COL14A1: variants seen among roughly 807,000 people sequenced by gnomAD.
COL14A1 encodes collagen alpha-1(XIV) chain.
COL14A1 carries 136 observed loss-of-function variants against 230.3 expected under a neutral mutation model. The ratio of observed to expected loss-of-function variants is 0.59; its 90% CI spans 0.51 to 0.68. COL14A1 has a LOEUF of 0.68. Among genes scored for constraint, COL14A1 ranks in the 30% least tolerant of loss-of-function variants. The pLI is 0.00. For missense variants in COL14A1, 1,976 were observed against 2,215.8 expected (o/e 0.89, Z 2.17); for synonymous variants, 792 against 784.1 (o/e 1.01, Z -0.17).
chr8:120,317,985 A>G (rs1185424041), intron 40 of COL14A1, among the ~76,000 whole-genome samples: 1 of 152,148 alleles, frequency 6.6e-6, no homozygotes, highest in East Asian at 1.9e-4. Flanking sequence ...CTCATTCTTT[A>G]TAGGGCCATG....
intron 1 of COL14A1, among the ~76,000 whole-genome samples, chr8:120,145,957 G>A (rs1815079178): frequency 6.6e-6 from 1 of 152,118 alleles, no homozygotes. Flanking sequence ...GCAGAACAAG[G>A]TATTTTTAAA....
At chr8:120,329,125 ATTATAAAC>A (rs1213203987) in intron 40 of COL14A1, among the ~76,000 whole-genome samples, 5 of 152,222 alleles carry the variant, frequency 3.3e-5, no homozygotes, top group African/African-American at 7.2e-5. Context: ...AGAATATATT[ATTATAAAC>A]TTATAAACTT....
intron 45 of COL14A1, among the ~76,000 whole-genome samples, chr8:120,349,707 G>A (rs1218262562): frequency 1.6e-5 from 2 of 127,466 alleles, no homozygotes; most frequent in Non-Finnish European, 3.2e-5. Flanking sequence ...AAAGAAATGA[G>A]CAAAGCCTCC....
At chr8:120,279,552 G>GAA (rs34439316) in intron 28 of COL14A1, among the ~76,000 whole-genome samples, 15 of 136,660 alleles carry the variant, frequency 1.1e-4, no homozygotes, top group Admixed American at 2.2e-4. Context: ...TTCTACTTCT[G>GAA]AAAAAAAAAA....
chr8:120,344,502 C>A (rs1178997247), intron 44 of COL14A1, among the ~76,000 whole-genome samples: 1 of 152,208 alleles, frequency 6.6e-6, no homozygotes, highest in South Asian at 2.1e-4. Flanking sequence ...AAATGTCTCA[C>A]CTGCCCAGGC....
intron 40 of COL14A1, among the ~76,000 whole-genome samples, chr8:120,324,701 A>G (rs7001937): frequency 0.44 from 66,463 of 152,008 alleles, 15,077 homozygotes; most frequent in African/African-American, 0.54. Context: ...TCAGTTGAAT[A>G]ACCTTAACAA....
intron 19 of COL14A1, among the ~76,000 whole-genome samples, chr8:120,241,792 G>A (rs576850131): frequency 1.4e-4 from 22 of 152,108 alleles, no homozygotes; most frequent in African/African-American, 5.1e-4. Context: ...TTGGGGTTTC[G>A]GTATGGCTCT....
At position 120,371,727 on chromosome 8, in the gene COL14A1, A is replaced by T; in HGVS notation, c.*496A>T. The T allele has an allele frequency of 2.5e-6, 1 of 397,862 alleles. No individual in the cohort carries two copies. Among genetic ancestry groups the T allele is most frequent in the Non-Finnish European group, 4.4e-6 (1 of 225,284 alleles). The allele number at this position is 397,862 out of a possible 1,614,324, so 24.6% of individuals were successfully genotyped here. A position where few individuals can be genotyped will look rare whatever the true frequency, so the allele number is the denominator to read the frequency against. ...GGAGAAACTACCTCTTGTTTAATTG[A>T]TCTGTCCAACTCTGAGATCACTTGG... is the stretch of plus-strand genomic sequence containing the variant. On this transcript the variant is annotated 3_prime_UTR_variant, in exon 48 of 48. Transcript: ENST00000297848.
At chr8:120,163,692 G>A (rs1375103466) in intron 4 of COL14A1, among the ~76,000 whole-genome samples, 1 of 152,186 alleles carries the variant, frequency 6.6e-6, no homozygotes, top group African/African-American at 2.4e-5. Context: ...GAACCCAGAA[G>A]GTGGAGGTTG....
intron 4 of COL14A1, among the ~76,000 whole-genome samples, chr8:120,167,242 A>G (rs1815930320): frequency 6.6e-6 from 1 of 152,166 alleles, no homozygotes; most frequent in Non-Finnish European, 1.5e-5. Context: ...TGTGATAAAG[A>G]CAGGATGAAT....
intron 36 of COL14A1, 43 bp from the exon 37 acceptor site, chr8:120,309,966 T>C: frequency 1.3e-6 from 2 of 1,594,080 alleles, no homozygotes; most frequent in Non-Finnish European, 1.7e-6. Context: ...ATACACTGTT[T>C]TGAGATTTGT....
At chr8:120,316,282 A>G (rs889799478) in intron 40 of COL14A1, among the ~76,000 whole-genome samples, 2 of 152,188 alleles carry the variant, frequency 1.3e-5, no homozygotes, top group African/African-American at 4.8e-5. Flanking sequence ...GCATTGGTTT[A>G]GTAGATTTCT....
intron 18 of COL14A1, among the ~76,000 whole-genome samples, chr8:120,229,233 G>T (rs1485339677): frequency 6.7e-6 from 1 of 150,028 alleles, no homozygotes; most frequent in Non-Finnish European, 1.5e-5. Flanking sequence ...CTAGCATTAG[G>T]TATATCTCCC....
Position 120,141,944 on chromosome 8 carries a change from G to C in COL14A1, c.-37-5862G>C, listed in dbSNP as rs562662680. On this transcript the variant is annotated intron_variant, in intron 1 of 47. Coordinates refer to ENST00000297848, the MANE Select transcript of COL14A1 (RefSeq NM_021110.4). ...GTCAGAGTCTCACTGAGTTGCTCAGGCTGGTCCCAAACTCTTGGGCTCAAG... is the reference window on the plus strand; with the variant it reads ...GTCAGAGTCTCACTGAGTTGCTCAGCCTGGTCCCAAACTCTTGGGCTCAAG... Among the ~76,000 whole-genome samples, 8 of 152,096 alleles carry C rather than the reference G, an allele frequency of 5.3e-5. No individual in the cohort carries two copies. The East Asian group carries it at 1.5e-3, about 29-fold the overall frequency.
chr8:120,327,997 C>T (rs1821740575), intron 40 of COL14A1, among the ~76,000 whole-genome samples: 1 of 152,120 alleles, frequency 6.6e-6, no homozygotes, highest in Admixed American at 6.5e-5. Context: ...CTCCTGACCT[C>T]AGGTCATCTG....
intron 44 of COL14A1, among the ~76,000 whole-genome samples, chr8:120,343,636 C>T (rs4871060): frequency 0.51 from 77,187 of 151,954 alleles, 20,077 homozygotes; most frequent in African/African-American, 0.61. Flanking sequence ...TGTATTTTAA[C>T]GTTATTTAAT....
intron 44 of COL14A1, 38 bp from the exon 45 acceptor site, chr8:120,345,337 C>G: frequency 1.3e-6 from 2 of 1,520,170 alleles, no homozygotes; most frequent in Non-Finnish European, 1.8e-6. Context: ...CCTTGTGTGA[C>G]AGTTCACTGA....
At chr8:120,184,948 G>C (rs1816599937) in intron 5 of COL14A1, among the ~76,000 whole-genome samples, 1 of 152,022 alleles carries the variant, frequency 6.6e-6, no homozygotes, top group African/African-American at 2.4e-5. Flanking sequence ...AGTAATGTTG[G>C]GTCAAATGTG....
At chr8:120,277,985 T>C (rs1421384031) in intron 26 of COL14A1, 126 bp from the exon 27 acceptor site, 1 of 901,476 alleles carries the variant, frequency 1.1e-6, no homozygotes, top group Non-Finnish European at 1.6e-6. Context: ...GAAAGAAATT[T>C]TAATCCAAGC....
Sources: gnomAD v4.1 joint callset for allele counts (sites outside exome capture counted in the v4.1 genomes callset) on GRCh38, gnomAD v4.1.1 for gene constraint, MANE v1.5 for transcripts, NCBI Gene and HGNC (gene_info 2026-07-23, HGNC 2026-07-21) for gene names.